Variants in CRTAC1 observed in about 807,000 individuals in gnomAD.
The protein encoded by CRTAC1 is acidic secreted protein in cartilage.
A neutral mutation model predicts 67.8 loss-of-function variants in CRTAC1; 37 were observed. That is an observed-to-expected ratio of 0.55 (90% CI 0.42 to 0.72). The LOEUF is 0.72. CRTAC1 is among the 30% of genes least tolerant of loss of function. The pLI is 0.00. For synonymous variants in CRTAC1, 348 were observed against 371.0 expected, an observed-to-expected ratio of 0.94 and a Z score of 0.71; for missense variants, 780 against 931.6, an observed-to-expected ratio of 0.84 and a Z score of 2.12.
At chr10:97,952,321 C>T (rs893516391) in intron 2 of CRTAC1, among the ~76,000 whole-genome samples, 2 of 150,732 alleles carry the variant, frequency 1.3e-5, no homozygotes, top group Admixed American at 1.3e-4. Context: ...CACTGCACTC[C>T]AGCCTGGGCG....
chr10:97,944,273 A>T (rs919520798), intron 2 of CRTAC1, among the ~76,000 whole-genome samples: 2 of 152,122 alleles, frequency 1.3e-5, no homozygotes, highest in African/African-American at 4.8e-5. Context: ...ACTAAAAAAA[A>T]TACAAAAATT....
chr10:97,956,819 G>A (rs2051449078), intron 2 of CRTAC1, among the ~76,000 whole-genome samples: 2 of 151,048 alleles, frequency 1.3e-5, no homozygotes, highest in Admixed American at 6.6e-5. Flanking sequence ...TTTTGAGACC[G>A]AGTCTTTCTC....
chr10:97,910,819 T>A (rs1041962761), intron 5 of CRTAC1, among the ~76,000 whole-genome samples: 4 of 152,210 alleles, frequency 2.6e-5, no homozygotes, highest in Non-Finnish European at 5.9e-5. Context: ...CCACTCTTAT[T>A]GCGCTCATAG....
intron 2 of CRTAC1, among the ~76,000 whole-genome samples, chr10:97,939,923 A>G (rs1235736928): frequency 6.6e-6 from 1 of 152,088 alleles, no homozygotes; most frequent in Admixed American, 6.5e-5. Flanking sequence ...TTCCAACATC[A>G]CTTTCCTCAT....
Position 97,865,649 on chromosome 10 carries a change from C to T in CRTAC1, c.1885G>A (p.Ala629Thr), listed in dbSNP as rs1179501700. 6.2e-7 allele frequency: 1 copy of T among 1,611,888 alleles called. No individual in the cohort carries two copies. The highest frequency in any genetic ancestry group is 1.7e-5 in the Admixed American group (1 of 59,882). ...GTGGCAGCTCCAGCAGCGGCAGCAG[C>T]AGCGGCAGTGGCAGCAGCAGCGGTG... is the stretch of plus-strand genomic sequence containing the variant. Reference protein sequence around the residue: ...TPTAAAATAAAAAAAGAATAA... With the variant: ...TPTAAAATAATAAAAGAATAA... Residue 629 changes from alanine (A) to threonine (T), a missense_variant, in exon 15 of 15, where the codon GCT becomes ACT. Physicochemically the swap from Ala to Thr is moderately conservative, Grantham distance 58 (BLOSUM62 0). Coordinates refer to ENST00000370597, the MANE Select transcript of CRTAC1 (RefSeq NM_018058.7).
chr10:97,994,532 A>G (rs1430021765), intron 2 of CRTAC1, among the ~76,000 whole-genome samples: 1 of 152,154 alleles, frequency 6.6e-6, no homozygotes, highest in Admixed American at 6.5e-5. Context: ...GCTTCAGGGG[A>G]CGCATAGATC....
chr10:97,900,623 T>C (rs1419176038), intron 8 of CRTAC1, among the ~76,000 whole-genome samples: 3 of 136,702 alleles, frequency 2.2e-5, no homozygotes, highest in Non-Finnish European at 4.6e-5. Flanking sequence ...CTTTTCCTGG[T>C]AGTGATTGGA....
At chr10:97,923,431 G>A (rs983569428) in intron 3 of CRTAC1, 31 bp from the exon 4 acceptor site, 1 of 1,613,792 alleles carries the variant, frequency 6.2e-7, no homozygotes, top group Admixed American at 1.7e-5. Flanking sequence ...AGGGCTGGTG[G>A]ACAGTGGATC....
intron 14 of CRTAC1, 49 bp downstream of exon 14, chr10:97,880,200 G>A (rs543530049): frequency 1.2e-6 from 2 of 1,600,932 alleles, no homozygotes; most frequent in Non-Finnish European, 8.5e-7. Context: ...GCTCCCCAGT[G>A]GAAAGCAACA....
rs1332163304 is a variant in CRTAC1 at position 97,896,978 on chromosome 10, C to G, written c.1147G>C (p.Glu383Gln). 2 of 1,558,344 alleles carry G rather than the reference C, an allele frequency of 1.3e-6. No homozygotes were observed. The highest frequency in any genetic ancestry group is 1.7e-6 in the Non-Finnish European group (2 of 1,150,266). ...TCCTCGATGAGGGGGTCTCCGTGCT[C>G]TCTACGGATGACGCTGCAGGAGAGG... The part of the protein sequence containing the change: ...ANRLFRVIRR[E>Q]HGDPLIEELN... The change falls in exon 9 of 15, where the codon GAG becomes CAG. Residue 383 changes from glutamate to glutamine, a missense_variant. Transcript: ENST00000370597.
At chr10:97,871,944 C>T (rs925638635) in intron 14 of CRTAC1, among the ~76,000 whole-genome samples, 8 of 152,226 alleles carry the variant, frequency 5.3e-5, no homozygotes. Context: ...TGGGAACCAG[C>T]TATCACCTGA....
intron 2 of CRTAC1, among the ~76,000 whole-genome samples, chr10:97,984,577 T>G (rs2051949003): frequency 1.3e-5 from 2 of 152,214 alleles, no homozygotes; most frequent in South Asian, 4.1e-4. Flanking sequence ...TGGGTCCAAA[T>G]TGAAGCATGG....
chr10:97,895,153 G>A lies in CRTAC1; in HGVS notation c.1486+92C>T, dbSNP rs557080020. 1.7e-4 allele frequency: 212 copies of A among 1,282,880 alleles called. 3 individuals carry two copies. The South Asian group carries it at 2.2e-3, about 13-fold the overall frequency. The allele number at this position is 1,282,880 out of a possible 1,614,324, so 79.5% of individuals were successfully genotyped here. On this transcript the variant is annotated intron_variant, in intron 11 of 14. Coordinates refer to ENST00000370597, the MANE Select transcript of CRTAC1 (RefSeq NM_018058.7). This position sits in a 1 kb window ranked among gnomAD's most constrained non-coding sequence, Gnocchi z 4.2. ...TCCACCATGGCTGTCACAGTAGAGC[G>A]GAGCGGTGCCCAAGGATGCTCGGGC...
intron 2 of CRTAC1, among the ~76,000 whole-genome samples, chr10:97,964,373 C>T (rs1410391315): frequency 3.3e-5 from 5 of 152,216 alleles, no homozygotes; most frequent in African/African-American, 1.2e-4. Context: ...GTGAGTTTGT[C>T]TTATTCACGT....
chr10:97,950,895 G>T (rs1026488524), intron 2 of CRTAC1, among the ~76,000 whole-genome samples: 5 of 152,160 alleles, frequency 3.3e-5, no homozygotes, highest in Non-Finnish European at 7.4e-5. Flanking sequence ...GTACATAAGT[G>T]GTGAGGTTAT....
At chr10:97,872,424 T>C (rs2050104104) in intron 14 of CRTAC1, among the ~76,000 whole-genome samples, 1 of 152,076 alleles carries the variant, frequency 6.6e-6, no homozygotes, top group Non-Finnish European at 1.5e-5. Flanking sequence ...AGCTGTGACA[T>C]TGTGGCTCTG....
intron 2 of CRTAC1, among the ~76,000 whole-genome samples, chr10:97,990,562 GA>G (rs1842424686): frequency 1.3e-5 from 2 of 152,210 alleles, no homozygotes; most frequent in Non-Finnish European, 2.9e-5. Flanking sequence ...GTGGGGATGA[GA>G]AATGATTCTG....
In CRTAC1 at chr10:97,884,327, T is replaced by G; in HGVS notation, c.1511A>C (p.Glu504Ala). Reference sequence around the variant, plus strand: ...CATCTTGCCATCTGGCCACGTCACCTCCACACTGCTGGCTTCATCCTTCCC... The same window carrying G: ...CATCTTGCCATCTGGCCACGTCACCGCCACACTGCTGGCTTCATCCTTCCC... ...GLGKDEASSVEVTWPDGKMVS... is the reference protein window; with the variant it reads ...GLGKDEASSVAVTWPDGKMVS... Residue 504 changes from glutamate to alanine, a missense_variant, in exon 12 of 15, where the codon GAG becomes GCG. By Grantham distance (107) the Glu-to-Ala change is moderately radical (BLOSUM62 -1). Transcript: ENST00000370597. 1 of 1,551,816 alleles carries G rather than the reference T, an allele frequency of 6.4e-7. No homozygotes were observed. Among genetic ancestry groups the G allele is most frequent in the African/African-American group, 1.4e-5 (1 of 73,170 alleles).
intron 2 of CRTAC1, among the ~76,000 whole-genome samples, chr10:97,960,602 C>T (rs914014396): frequency 6.6e-6 from 1 of 152,116 alleles, no homozygotes; most frequent in African/African-American, 2.4e-5. Flanking sequence ...ATTAGCATGC[C>T]CTCCAAGTCT....
Sources: allele counts gnomAD v4.1 joint callset (sites outside exome capture counted in the v4.1 genomes callset), GRCh38; gene constraint gnomAD v4.1.1; non-coding constraint Gnocchi (gnomAD v3.1); transcripts MANE v1.5; gene names NCBI Gene and HGNC (gene_info 2026-07-23, HGNC 2026-07-21).